Variants in POR observed in about 807,000 individuals in gnomAD.
POR encodes NADPH--cytochrome P450 reductase.
In POR, 56 loss-of-function variants were observed where a neutral mutation model predicts 84.0. That is an observed-to-expected ratio of 0.67 (90% confidence interval 0.54 to 0.83). The LOEUF is 0.83. Among genes scored for constraint, POR ranks in the 40% least tolerant of loss-of-function variants. POR has a pLI of 0.00. For missense variants in POR, 938 were observed against 944.3 expected (o/e 0.99, Z 0.09); for synonymous variants, 414 against 400.5 (o/e 1.03, Z -0.40).
intron 2 of POR, among the ~76,000 whole-genome samples, chr7:75,963,269 T>A (rs1373157979): frequency 6.6e-6 from 1 of 152,168 alleles, no homozygotes; most frequent in Non-Finnish European, 1.5e-5. Flanking sequence ...GGGAAGCCTG[T>A]GGCCACGAGA....
In POR at chr7:75,985,832, C is replaced by T; in HGVS notation, c.1652C>T (p.Ala551Val). Residue 551 changes from alanine (A) to valine (V), a missense_variant, in exon 13 of 16, where the codon GCC (alanine) becomes GTC (valine). Physicochemically the swap from Ala to Val is moderately conservative, Grantham distance 64. Coordinates refer to ENST00000461988, the MANE Select transcript of POR (RefSeq NM_000941.3). ...TTCATAGGCTTCATCCAGGAGCGGG[C>T]CTGGCTGCGACAGCAGGGTGAGTGG... 6.4e-7 allele frequency: 1 copy of T among 1,551,438 alleles called. No individual in the cohort carries two copies. Among genetic ancestry groups the T allele is most frequent in the Non-Finnish European group, 8.7e-7 (1 of 1,145,168 alleles).
rs782333942 is a variant in POR, at chr7:75,982,308, C to G, written c.816C>G (p.Tyr272Ter). The stretch of plus-strand genomic sequence containing the variant: ...GGGAGATGGGCCGGCTGAAGAGCTA[C>G]GAGAACCAGAAGCCGTGAGTGGAGG... The change falls in exon 8 of 16, where the codon TAC becomes TAG. Residue 272 changes from tyrosine to a stop codon, truncating the protein, a stop_gained. Transcript: ENST00000461988. LOFTEE classifies it high-confidence loss of function. 6.2e-7 allele frequency: 1 copy of G among 1,611,578 alleles called. No homozygotes were observed. The highest frequency in any genetic ancestry group is 1.3e-5 in the African/African-American group (1 of 74,890).
chr7:75,947,173 G>A (rs572902372), intron 1 of POR: 15 of 152,084 alleles, frequency 9.9e-5, no homozygotes, highest in South Asian at 6.2e-4. Flanking sequence ...TTTGGCCTAC[G>A]GATACCATTA....
intron 1 of POR, among the ~76,000 whole-genome samples, chr7:75,922,573 C>A (rs575663646): frequency 6.6e-6 from 1 of 152,276 alleles, no homozygotes; most frequent in East Asian, 1.9e-4. Flanking sequence ...GTCTGCCCGC[C>A]TCGGCCTTCC....
At chr7:75,939,926 T>C (rs1807890578) in intron 1 of POR, among the ~76,000 whole-genome samples, 1 of 151,192 alleles carries the variant, frequency 6.6e-6, no homozygotes, top group African/African-American at 2.4e-5. Flanking sequence ...TCTTATTATA[T>C]AGTGATGGGG....
intron 9 of POR, 44 bp downstream of exon 9, chr7:75,983,680 TCCTGA>T (rs1789209007): frequency 6.2e-7 from 1 of 1,608,508 alleles, no homozygotes; most frequent in Non-Finnish European, 8.5e-7. Context: ...ACTCTGGGCC[TCCTGA>T]CCTGGGGCAG....
chr7:75,941,314 C>T (rs1217734412), intron 1 of POR, among the ~76,000 whole-genome samples: 3 of 152,150 alleles, frequency 2.0e-5, no homozygotes, highest in Admixed American at 6.6e-5. Context: ...AGGAACCGTG[C>T]GTGGACTCGA....
intron 2 of POR, chr7:75,968,220 C>A (rs1554555605): frequency 2.1e-6 from 1 of 466,404 alleles, no homozygotes; most frequent in Non-Finnish European, 4.4e-6. Context: ...GGGAGACTTC[C>A]TCCTGGCGGG....
At chr7:75,967,666 G>A (rs1000792799) in intron 2 of POR, among the ~76,000 whole-genome samples, 5 of 151,648 alleles carry the variant, frequency 3.3e-5, no homozygotes, top group East Asian at 1.9e-4. Context: ...AATGGGAAAC[G>A]GGGAGGGCGT....
intron 5 of POR, 86 bp downstream of exon 5, chr7:75,980,574 C>T (rs1554557608): frequency 6.2e-7 from 1 of 1,611,152 alleles, no homozygotes. Flanking sequence ...GAAAGGCAGC[C>T]CTCCAGACCC....
intron 12 of POR, 174 bp from the exon 13 acceptor site, chr7:75,985,405 C>T (rs903669851): frequency 8.8e-7 from 1 of 1,138,610 alleles, no homozygotes. Context: ...TGTCCAGCCC[C>T]GGTCCCCAGA....
intron 1 of POR, among the ~76,000 whole-genome samples, chr7:75,937,503 C>T (rs565689273): frequency 7.7e-5 from 11 of 142,424 alleles, no homozygotes; most frequent in South Asian, 2.2e-4. Context: ...AAAAAGAAGG[C>T]CGTGTTTGGT....
chr7:75,979,754 G>A, intron 4 of POR, 175 bp downstream of exon 4: 1 of 861,616 alleles, frequency 1.2e-6, no homozygotes, highest in Non-Finnish European at 1.7e-6. Context: ...CTGACTGACG[G>A]AAGGGCCATT....
At chr7:75,928,554 G>A (rs189913642) in intron 1 of POR, among the ~76,000 whole-genome samples, 48 of 152,232 alleles carry the variant, frequency 3.2e-4, no homozygotes, top group South Asian at 8.3e-4. Flanking sequence ...AGGACGGCCC[G>A]GAAGTTGAAC....
At chr7:75,953,616 T>A (rs1563414267) in intron 1 of POR, among the ~76,000 whole-genome samples, 2 of 152,166 alleles carry the variant, frequency 1.3e-5, no homozygotes, top group Non-Finnish European at 2.9e-5. Flanking sequence ...CACTCTTGCG[T>A]GCACTTCCTC....
At chr7:75,972,317 T>G in intron 2 of POR, 96 bp from the exon 3 acceptor site, 1 of 1,093,814 alleles carries the variant, frequency 9.1e-7, no homozygotes, top group Non-Finnish European at 1.4e-6. Context: ...TGCCACAGCA[T>G]CCCATGAAAC....
In POR at chr7:75,940,612, A is replaced by G. The variant is rs1366273159; in HGVS notation, c.-4-13377A>G. Among the ~76,000 whole-genome samples, 2 of 151,424 alleles carry G rather than the reference A, an allele frequency of 1.3e-5. 1 individual carries two copies. The highest frequency in any genetic ancestry group is 4.2e-4 in the South Asian group (2 of 4,790). On this transcript the variant is annotated intron_variant, in intron 1 of 15. Coordinates refer to ENST00000461988, the MANE Select transcript of POR (RefSeq NM_000941.3). ...ATCCTGGCTAATATGGTGAAACCCC[A>G]TCTCTACTAAAAACACAAAAAATTA...
Position 75,954,150 on chromosome 7 carries a change from A to T in POR, c.158A>T (p.Glu53Val), listed in dbSNP as rs376145249. Residue 53 changes from glutamate to valine, a missense_variant, in exon 2 of 16, where the codon GAA becomes GTA. Coordinates refer to ENST00000461988, the MANE Select transcript of POR (RefSeq NM_000941.3). ...TTCCTCTTCAGAAAGAAAAAAGAAG[A>T]AGTCCCCGAGTTCACCAAAATTCAG... 61 of 1,612,180 alleles carry T rather than the reference A, an allele frequency of 3.8e-5. No homozygotes were observed. The highest frequency in any genetic ancestry group is 5.3e-5 in the African/African-American group (4 of 74,868).
intron 10 of POR, 70 bp downstream of exon 10, chr7:75,983,926 G>A: frequency 7.9e-7 from 1 of 1,258,704 alleles, no homozygotes; most frequent in Non-Finnish European, 1.1e-6. Context: ...GGAAGGCCCT[G>A]GGTTGAGCTT....
Sources: allele counts gnomAD v4.1 joint callset (sites outside exome capture counted in the v4.1 genomes callset), GRCh38; gene constraint gnomAD v4.1.1; transcripts MANE v1.5; gene names NCBI Gene and HGNC (gene_info 2026-07-23, HGNC 2026-07-21).